EAF2: variants seen among roughly 807,000 people sequenced by gnomAD.
EAF2 encodes ELL associated factor 2.
EAF2 carries 29 observed loss-of-function variants against 29.4 expected under a neutral mutation model. That is an observed-to-expected ratio of 0.99 (90% CI 0.73 to 1.35). EAF2 has a LOEUF of 1.35. Ranked by LOEUF, EAF2 falls within the 40% of genes most tolerant of loss-of-function variation. EAF2 has a pLI of 0.00. For synonymous variants in EAF2, 103 were observed against 102.5 expected, an observed-to-expected ratio of 1.00 and a Z score of -0.03; for missense variants, 292 against 312.0, an observed-to-expected ratio of 0.94 and a Z score of 0.48.
chr3:121,880,853 C>T (rs1024771494), intron 5 of EAF2, among the ~76,000 whole-genome samples: 2 of 152,140 alleles, frequency 1.3e-5, no homozygotes, highest in African/African-American at 4.8e-5. Context: ...ATAATGTTAA[C>T]TGTGGGTTTC....
At chr3:121,860,023 G>A (rs543315815) in intron 4 of EAF2, among the ~76,000 whole-genome samples, 8 of 152,236 alleles carry the variant, frequency 5.3e-5, no homozygotes, top group South Asian at 4.2e-4. Flanking sequence ...GGATGAAGCC[G>A]ACTTGATCAT....
chr3:121,850,480 T>A (rs773299421), intron 2 of EAF2, among the ~76,000 whole-genome samples: 1 of 152,086 alleles, frequency 6.6e-6, no homozygotes, highest in Non-Finnish European at 1.5e-5. Flanking sequence ...GTTCCTCCAT[T>A]ATTTTCCTAC....
chr3:121,857,763 G>C (rs1001326979), intron 4 of EAF2, among the ~76,000 whole-genome samples: 3 of 152,074 alleles, frequency 2.0e-5, no homozygotes, highest in Non-Finnish European at 4.4e-5. Context: ...ATGTTGGTGT[G>C]CTGCACCCAT....
chr3:121,844,390 CATA>C, intron 1 of EAF2, 60 bp from the exon 2 acceptor site: 2 of 1,004,866 alleles, frequency 2.0e-6, no homozygotes, highest in Non-Finnish European at 3.0e-6. Flanking sequence ...GAAACATGCT[CATA>C]ATTTTTATAT....
At chr3:121,855,356 A>G (rs1206864642) in intron 3 of EAF2, among the ~76,000 whole-genome samples, 1 of 152,234 alleles carries the variant, frequency 6.6e-6, no homozygotes, top group Non-Finnish European at 1.5e-5. Flanking sequence ...TCTAAAAGCC[A>G]TGCAAATAGT....
At chr3:121,846,592 G>C (rs1028085692) in intron 2 of EAF2, among the ~76,000 whole-genome samples, 1 of 152,196 alleles carries the variant, frequency 6.6e-6, no homozygotes, top group Admixed American at 6.5e-5. Flanking sequence ...TGGGCAACAA[G>C]AGCGAAACTC....
chr3:121,844,435 A>G lies in EAF2; in HGVS notation c.107-18A>G. ...ATCATTACATTTTACAAAAATTGGT[A>G]TTTGTATCTATTTTTAGATGACTTC... On this transcript the variant is annotated intron_variant, in intron 1 of 5. Coordinates refer to ENST00000273668, the MANE Select transcript of EAF2 (RefSeq NM_018456.6). The G allele has an allele frequency of 1.4e-6, 2 of 1,476,274 alleles. No homozygotes were observed. Among genetic ancestry groups the G allele is most frequent in the Non-Finnish European group, 1.9e-6 (2 of 1,067,938 alleles). The allele number at this position is 1,476,274 out of a possible 1,614,324, so 91.4% of individuals were successfully genotyped here.
intron 2 of EAF2, among the ~76,000 whole-genome samples, chr3:121,853,010 C>A (rs761312551): frequency 1.3e-5 from 2 of 152,068 alleles, no homozygotes; most frequent in African/African-American, 4.8e-5. Context: ...TCTTTTATTG[C>A]CAACAGAATT....
At chr3:121,858,575 T>C (rs866621835) in intron 4 of EAF2, among the ~76,000 whole-genome samples, 21 of 152,342 alleles carry the variant, frequency 1.4e-4, no homozygotes, top group African/African-American at 4.8e-4. Flanking sequence ...ATTAGCCCTT[T>C]GTAAAATGGG....
At chr3:121,846,620 AAAC>A (rs932222698) in intron 2 of EAF2, among the ~76,000 whole-genome samples, 2 of 152,132 alleles carry the variant, frequency 1.3e-5, no homozygotes, top group African/African-American at 2.4e-5. Context: ...AAAAACAAAC[AAAC>A]AACAACAACA....
chr3:121,845,462 A>AAAAGAAC (rs1553726214), intron 2 of EAF2, among the ~76,000 whole-genome samples: 5 of 140,394 alleles, frequency 3.6e-5, no homozygotes, highest in South Asian at 2.2e-4. Flanking sequence ...AAAAAAAAAA[A>AAAAGAAC]GAAAGAAAGA....
At chr3:121,847,859 C>T (rs1708556119) in intron 2 of EAF2, among the ~76,000 whole-genome samples, 2 of 152,040 alleles carry the variant, frequency 1.3e-5, no homozygotes, top group South Asian at 4.2e-4. Flanking sequence ...TGGGGGTGAC[C>T]TTTATTAGTC....
At position 121,859,441 on chromosome 3, in the gene EAF2, G is replaced by C. The variant is rs1708785386; in HGVS notation, c.484+2285G>C. Among the ~76,000 whole-genome samples the C allele has an allele frequency of 2.0e-5, 3 of 152,104 alleles. 1 individual carries two copies. The highest frequency in any genetic ancestry group is 7.2e-5 in the African/African-American group (3 of 41,392). On this transcript the variant is annotated intron_variant, in intron 4 of 5. Coordinates refer to ENST00000273668, the MANE Select transcript of EAF2 (RefSeq NM_018456.6). ...TATTCTCTTTGAAGCAATTGTGAAT[G>C]GGAGTTCACTCATGATTTGGCTCTC... is the stretch of plus-strand genomic sequence containing the variant.
At chr3:121,865,754 A>G (rs1474885565) in intron 4 of EAF2, among the ~76,000 whole-genome samples, 8 of 152,278 alleles carry the variant, frequency 5.3e-5, no homozygotes, top group South Asian at 4.2e-4. Flanking sequence ...AGTACCAACA[A>G]ATAGGATGAT....
At chr3:121,868,304 T>G (rs1708957829) in intron 4 of EAF2, among the ~76,000 whole-genome samples, 1 of 152,028 alleles carries the variant, frequency 6.6e-6, no homozygotes, top group African/African-American at 2.4e-5. Flanking sequence ...AAAGATGACT[T>G]AAGAGCAAAA....
chr3:121,864,348 A>G (rs1708886573), intron 4 of EAF2, among the ~76,000 whole-genome samples: 1 of 152,216 alleles, frequency 6.6e-6, no homozygotes, highest in Admixed American at 6.5e-5. Flanking sequence ...AATAAAAAAG[A>G]CAAGTCCAGA....
chr3:121,835,544 T>C (rs909030987), intron 1 of EAF2, among the ~76,000 whole-genome samples, 153 bp downstream of exon 1: 4 of 151,984 alleles, frequency 2.6e-5, no homozygotes, highest in African/African-American at 9.7e-5. Flanking sequence ...TCTAACCTGC[T>C]CGGAGTCTTA....
chr3:121,859,352 G>C (rs1004472172), intron 4 of EAF2, among the ~76,000 whole-genome samples: 2 of 152,058 alleles, frequency 1.3e-5, no homozygotes, highest in African/African-American at 4.8e-5. Flanking sequence ...TTTTTGAGCA[G>C]TGGTTTGTAT....
At chr3:121,865,967 C>G (rs1199095754) in intron 4 of EAF2, among the ~76,000 whole-genome samples, 1 of 152,200 alleles carries the variant, frequency 6.6e-6, no homozygotes, top group Non-Finnish European at 1.5e-5. Flanking sequence ...AGATTCTTCT[C>G]TCTCATCTAA....
Sources: allele counts gnomAD v4.1 joint callset (sites outside exome capture counted in the v4.1 genomes callset), GRCh38; gene constraint gnomAD v4.1.1; transcripts MANE v1.5; gene names NCBI Gene and HGNC (gene_info 2026-07-23, HGNC 2026-07-21).